APP: variants seen among roughly 807,000 people sequenced by gnomAD.
APP encodes the protein amyloid beta precursor protein, also known as amyloid-beta precursor protein.
APP carries 31 observed loss-of-function variants against 101.4 expected under a neutral mutation model. The observed-to-expected ratio is 0.31, with a 90% CI of 0.23 to 0.41. The LOEUF is 0.41. Among genes scored for constraint, APP ranks in the 10% least tolerant of loss-of-function variants. APP has a pLI of 1.00. For missense variants in APP, 839 were observed against 1,003.7 expected (o/e 0.84, Z 2.22); for synonymous variants, 366 against 364.4 (o/e 1.00, Z -0.05).
chr21:26,161,763 A>G (rs576579815), intron 1 of APP, among the ~76,000 whole-genome samples: 32 of 152,208 alleles, frequency 2.1e-4, no homozygotes, highest in Non-Finnish European at 4.4e-4. Flanking sequence ...TTAAACCATA[A>G]TAAGCAATTG....
chr21:25,979,604 A>G (rs1328918701), intron 9 of APP, among the ~76,000 whole-genome samples: 1 of 152,194 alleles, frequency 6.6e-6, no homozygotes, highest in Non-Finnish European at 1.5e-5. Context: ...GTTATATCAG[A>G]TATATCTGAT....
rs1397515040 is a variant in APP at position 25,932,646 on chromosome 21, A to AGATAGTTACTTT, written c.1688-20685_1688-20684insAAAGTAACTATC. ...AAAATTCTAGAAATGTATTTTCTTT[A>AGATAGTTACTTT]AGATAGTTACTTTAAAAATGTTATT... is the stretch of plus-strand genomic sequence containing the variant. On this transcript the variant is annotated intron_variant, in intron 13 of 17. Coordinates refer to ENST00000346798, the MANE Select transcript of APP (RefSeq NM_000484.4). Among the ~76,000 whole-genome samples, 6 of 152,330 alleles carry AGATAGTTACTTT rather than the reference A, an allele frequency of 3.9e-5. No individual in the cohort carries two copies. The East Asian group carries it at 9.6e-4, about 24-fold the overall frequency.
At chr21:25,901,295 TTAAAAAAAAAAAAA>T (rs2038457694) in intron 15 of APP, among the ~76,000 whole-genome samples, 1 of 75,260 alleles carries the variant, frequency 1.3e-5, no homozygotes, top group African/African-American at 3.3e-5. Flanking sequence ...AAATCCTGTT[TTAAAAAAAAAAAAA>T]AAAAAAAAAC....
chr21:26,052,341 TA>T (rs996559536), intron 4 of APP, among the ~76,000 whole-genome samples: 3 of 151,732 alleles, frequency 2.0e-5, no homozygotes, highest in Non-Finnish European at 4.4e-5. Flanking sequence ...CAAGCTGTAA[TA>T]ACAAAAAATG....
rs149411816 is a variant in APP, at chr21:25,893,730, C to T, written c.2065-1862G>A. Among the ~76,000 whole-genome samples, 19 of 152,282 alleles carry T rather than the reference C, an allele frequency of 1.2e-4. 1 individual carries two copies. The highest frequency in any genetic ancestry group is 4.3e-4 in the African/African-American group (18 of 41,556). ...AAGGGAAGAAGCCATCTCCATAACA[C>T]AGAAGTGCAAGGTGAAGCAGCAAGT... On this transcript the variant is annotated intron_variant, in intron 16 of 17. Transcript: ENST00000346798.
chr21:26,106,865 A>G (rs1199239391), intron 2 of APP, among the ~76,000 whole-genome samples: 1 of 152,196 alleles, frequency 6.6e-6, no homozygotes, highest in Non-Finnish European at 1.5e-5. Flanking sequence ...TTTTTCCTGC[A>G]ATGGACTACA....
chr21:25,902,772 T>G (rs1230096344), intron 15 of APP, among the ~76,000 whole-genome samples: 1 of 152,240 alleles, frequency 6.6e-6, no homozygotes, highest in Non-Finnish European at 1.5e-5. Context: ...TTTCCTTGTC[T>G]TCCAAATTCC....
rs544625455 is a variant in APP at position 25,972,136 on chromosome 21, G to C, written c.1458+2934C>G. Among the ~76,000 whole-genome samples, 9 of 152,048 alleles carry C rather than the reference G, an allele frequency of 5.9e-5. No individual in the cohort carries two copies. In the East Asian group the frequency reaches 1.6e-3, roughly 26 times the overall value. ...TTCATATAATAACTGTATTCCATAGGTTCAAAAGTTAAGATACAGACGATA... is the reference window on the plus strand; with the variant it reads ...TTCATATAATAACTGTATTCCATAGCTTCAAAAGTTAAGATACAGACGATA... On this transcript the variant is annotated intron_variant, in intron 11 of 17. Transcript: ENST00000346798.
At chr21:26,157,242 G>T (rs1411274980) in intron 1 of APP, among the ~76,000 whole-genome samples, 1 of 152,006 alleles carries the variant, frequency 6.6e-6, no homozygotes, top group Non-Finnish European at 1.5e-5. Context: ...GCTGATTTTT[G>T]TATTTTTTGT....
intron 14 of APP, among the ~76,000 whole-genome samples, chr21:25,906,642 A>G (rs1010942247): frequency 2.0e-5 from 3 of 152,190 alleles, no homozygotes; most frequent in Admixed American, 1.3e-4. Flanking sequence ...CATTTCGACA[A>G]TGAGGTTTGG....
intron 15 of APP, 167 bp from the exon 16 acceptor site, chr21:25,897,840 A>AT: frequency 1.6e-6 from 1 of 631,688 alleles, no homozygotes; most frequent in South Asian, 1.9e-5. Context: ...TAAAACTTCA[A>AT]TTACTACCTA....
At position 25,968,139 on chromosome 21, in the gene APP, T is replaced by A. The variant is rs112006550; in HGVS notation, c.1458+6931A>T. Among the ~76,000 whole-genome samples, 740 of 152,110 alleles carry A rather than the reference T, an allele frequency of 4.9e-3. 6 individuals carry two copies. Among genetic ancestry groups the A allele is most frequent in the African/African-American group, 0.017 (707 of 41,476 alleles). The stretch of plus-strand genomic sequence containing the variant: ...ATTTTAATAATTGTAATATTTCAAG[T>A]ATTTATCTCATTTTTTAACTTTTAA... On this transcript the variant is annotated intron_variant, in intron 11 of 17. Transcript: ENST00000346798.
At chr21:25,998,913 T>C (rs2043162846) in intron 7 of APP, among the ~76,000 whole-genome samples, 1 of 152,232 alleles carries the variant, frequency 6.6e-6, no homozygotes. Context: ...GGGGAAAATT[T>C]CATCATGCAC....
At chr21:26,145,758 T>C (rs1027889110) in intron 1 of APP, among the ~76,000 whole-genome samples, 1 of 151,924 alleles carries the variant, frequency 6.6e-6, no homozygotes, top group African/African-American at 2.4e-5. Context: ...AATACACATA[T>C]AAATTTTCTG....
chr21:26,137,698 A>G (rs1301819318), intron 1 of APP, among the ~76,000 whole-genome samples: 2 of 152,246 alleles, frequency 1.3e-5, no homozygotes, highest in African/African-American at 4.8e-5. Flanking sequence ...ATTTTAAAGA[A>G]AAAAGTAAAA....
At chr21:25,912,441 A>T (rs2039125581) in intron 13 of APP, among the ~76,000 whole-genome samples, 1 of 152,242 alleles carries the variant, frequency 6.6e-6, no homozygotes, top group Admixed American at 6.5e-5. Context: ...GGATAAGAAA[A>T]GCATTAAAGG....
chr21:25,937,585 A>G (rs1020350100), intron 13 of APP, among the ~76,000 whole-genome samples: 1 of 152,220 alleles, frequency 6.6e-6, no homozygotes, highest in African/African-American at 2.4e-5. Flanking sequence ...GCCTAAATGG[A>G]TAATTCTTTA....
intron 6 of APP, among the ~76,000 whole-genome samples, chr21:26,017,428 A>AT (rs61036986): frequency 6.8e-6 from 1 of 147,362 alleles, no homozygotes; most frequent in Non-Finnish European, 1.5e-5. Flanking sequence ...AAAAAAAAAA[A>AT]TTTAAATTAC....
At chr21:26,003,684 G>A (rs1345879813) in intron 6 of APP, among the ~76,000 whole-genome samples, 1 of 152,200 alleles carries the variant, frequency 6.6e-6, no homozygotes, top group African/African-American at 2.4e-5. Flanking sequence ...GTTCTCATCT[G>A]CTGACATGGA....
Sources: gnomAD v4.1 joint callset for allele counts (sites outside exome capture counted in the v4.1 genomes callset) on GRCh38, gnomAD v4.1.1 for gene constraint, MANE v1.5 for transcripts, NCBI Gene and HGNC (gene_info 2026-07-23, HGNC 2026-07-21) for gene names.